Variants in DIP2C observed in about 807,000 individuals in gnomAD.
The protein encoded by DIP2C is DIP2 acetate--CoA ligase C (putative), also known as disco-interacting protein 2 homolog C.
Under a neutral mutation model 192.4 loss-of-function variants are expected in DIP2C, and 33 were observed. The ratio of observed to expected loss-of-function variants is 0.17; its 90% CI spans 0.13 to 0.23. The LOEUF (loss-of-function observed/expected upper bound fraction) is 0.23, where lower values mean the gene tolerates loss of function less well. Among genes scored for constraint, DIP2C ranks in the 10% least tolerant of loss-of-function variants. The pLI is 1.00. For missense variants in DIP2C, 1,537 were observed against 2,110.1 expected (o/e 0.73, Z 5.32); for synonymous variants, 979 against 864.1 (o/e 1.13, Z -2.33).
At chr10:624,684 T>C (rs1854085784) in intron 1 of DIP2C, among the ~76,000 whole-genome samples, 1 of 152,088 alleles carries the variant, frequency 6.6e-6, no homozygotes, top group Non-Finnish European at 1.5e-5. Context: ...GGCAGCCCCC[T>C]GACAAGTATG....
intron 1 of DIP2C, among the ~76,000 whole-genome samples, chr10:686,992 G>A (rs1831363505): frequency 6.6e-6 from 1 of 152,206 alleles, no homozygotes; most frequent in Non-Finnish European, 1.5e-5. Flanking sequence ...TCCTCTGTAG[G>A]AAATGAGCAC....
rs184922941 is a variant in DIP2C, at chr10:513,472, G to A, written c.86-26942C>T. Among the ~76,000 whole-genome samples, 5 of 152,170 alleles carry A rather than the reference G, an allele frequency of 3.3e-5. No individual in the cohort carries two copies. In the East Asian group the frequency reaches 7.7e-4, roughly 23 times the overall value. ...TCCACCACAGCACACTGCGGCCCGCGCCTCTCCTCCACCGCGCCACACCAC... is the reference window on the plus strand; with the variant it reads ...TCCACCACAGCACACTGCGGCCCGCACCTCTCCTCCACCGCGCCACACCAC... On this transcript the variant is annotated intron_variant, in intron 1 of 36. Coordinates refer to ENST00000280886, the MANE Select transcript of DIP2C (RefSeq NM_014974.3).
chr10:615,177 T>C (rs1853370207), intron 1 of DIP2C, among the ~76,000 whole-genome samples: 1 of 152,238 alleles, frequency 6.6e-6, no homozygotes, highest in Admixed American at 6.5e-5. Flanking sequence ...ACTGTGAAAG[T>C]GCAGAGGACG....
rs745955334 is a variant in DIP2C, at chr10:329,609, G to C, written c.3585-8C>G. The C allele has an allele frequency of 2.5e-6, 4 of 1,613,302 alleles. No homozygotes were observed. Among genetic ancestry groups the C allele is most frequent in the Non-Finnish European group, 3.4e-6 (4 of 1,179,670 alleles). On this transcript the variant is annotated splice_polypyrimidine_tract_variant and splice_region_variant and intron_variant, in intron 29 of 36. Coordinates refer to ENST00000280886, the MANE Select transcript of DIP2C (RefSeq NM_014974.3). ...TGGTGCCCAGAATACACACTGCAGA[G>C]AAAGAAGAGGCTGTCAGGGCGGGAG... is the stretch of plus-strand genomic sequence containing the variant.
chr10:298,504 G>C (rs914371267), intron 32 of DIP2C, among the ~76,000 whole-genome samples: 2 of 152,226 alleles, frequency 1.3e-5, no homozygotes, highest in African/African-American at 4.8e-5. Flanking sequence ...ATGCCAGAGA[G>C]GAGAGGGTGT....
intron 21 of DIP2C, 147 bp from the exon 22 acceptor site, chr10:362,838 G>A: frequency 1.0e-6 from 1 of 952,904 alleles, no homozygotes; most frequent in Non-Finnish European, 1.5e-6. Flanking sequence ...GTAAGAGAAA[G>A]GATTTTCCTA....
chr10:581,560 T>C (rs1850664830), intron 1 of DIP2C, among the ~76,000 whole-genome samples: 2 of 152,222 alleles, frequency 1.3e-5, no homozygotes, highest in African/African-American at 4.8e-5. Context: ...TACTAAATGA[T>C]TTTAATGTAT....
At chr10:397,011 C>T (rs917327892) in intron 10 of DIP2C, among the ~76,000 whole-genome samples, 5 of 152,144 alleles carry the variant, frequency 3.3e-5, no homozygotes, top group African/African-American at 9.7e-5. Context: ...AAAGGAACCC[C>T]GTGTTCTCTC....
chr10:330,958 C>T (rs1957478567), intron 29 of DIP2C, among the ~76,000 whole-genome samples: 2 of 149,300 alleles, frequency 1.3e-5, no homozygotes, highest in South Asian at 4.3e-4. Flanking sequence ...ACTACAGATG[C>T]ACAACACTAT....
chr10:357,907 T>C lies in DIP2C; in HGVS notation c.2825A>G (p.Asn942Ser). 6.2e-7 allele frequency: 1 copy of C among 1,612,670 alleles called. No individual in the cohort carries two copies. Among genetic ancestry groups the C allele is most frequent in the African/African-American group, 1.3e-5 (1 of 75,024 alleles). ...EIGPASVMVGNLVSGKRIAQA... is the reference protein window; with the variant it reads ...EIGPASVMVGSLVSGKRIAQA... ...GGCGATTCTCTTCCCAGAGACCAGG[T>C]TCCCCACCATCACAGAGGCAGGGCC... Residue 942 changes from asparagine (N) to serine (S), a missense_variant, in exon 23 of 37, where the codon AAC becomes AGC. Around this residue, in one of 4 missense-constraint regions of DIP2C, gnomAD observed 677 missense variants for 989.9 expected, o/e 0.68. Transcript: ENST00000280886.
chr10:534,246 A>T (rs1847572554), intron 1 of DIP2C, among the ~76,000 whole-genome samples: 1 of 152,224 alleles, frequency 6.6e-6, no homozygotes, highest in Non-Finnish European at 1.5e-5. Context: ...GGGACGTGCG[A>T]AACGGGGAGG....
rs1439346965 is a variant in DIP2C at position 509,353 on chromosome 10, C to A, written c.86-22823G>T. Among the ~76,000 whole-genome samples, 3 of 152,192 alleles carry A rather than the reference C, an allele frequency of 2.0e-5. No individual in the cohort carries two copies. In the South Asian group the frequency reaches 6.2e-4, roughly 32 times the overall value. ...GCTCAGAGACACTAAGGAGCTTGTC[C>A]AAGACCAGCAACAAGTATGTGAGCA... On this transcript the variant is annotated intron_variant, in intron 1 of 36. Transcript: ENST00000280886.
At position 489,069 on chromosome 10, in the gene DIP2C, C is replaced by T. The variant is rs80056934; in HGVS notation, c.86-2539G>A. Among the ~76,000 whole-genome samples the T allele has an allele frequency of 6.2e-3, 943 of 152,304 alleles. 10 individuals carry two copies. The highest frequency in any genetic ancestry group is 0.015 in the African/African-American group (637 of 41,554). ...TTCTATCCCAAAATGCAGAAGACGA[C>T]GGCTTGATGTGCATGCTACCCCAAA... is the stretch of plus-strand genomic sequence containing the variant. On this transcript the variant is annotated intron_variant, in intron 1 of 36. Transcript: ENST00000280886.
intron 1 of DIP2C, among the ~76,000 whole-genome samples, chr10:532,676 A>AGTATGGGTGTGAGAGAGT: frequency 1.6e-5 from 1 of 64,308 alleles, no homozygotes; most frequent in South Asian, 4.4e-4. Context: ...TGTGAGAGAG[A>AGTATGGGTGTGAGAGAGT]GTATGGGTGT....
chr10:616,221 G>C (rs1214971303), intron 1 of DIP2C, among the ~76,000 whole-genome samples: 1 of 152,210 alleles, frequency 6.6e-6, no homozygotes, highest in Non-Finnish European at 1.5e-5. Flanking sequence ...GCAGCCGTTT[G>C]TAATCTGGAC....
intron 1 of DIP2C, among the ~76,000 whole-genome samples, chr10:585,082 T>C (rs942109349): frequency 6.6e-6 from 1 of 152,104 alleles, no homozygotes; most frequent in Non-Finnish European, 1.5e-5. Context: ...CTCACGGGCA[T>C]CACCTCTCCA....
intron 14 of DIP2C, 110 bp downstream of exon 14, chr10:387,635 G>A: frequency 1.1e-6 from 1 of 905,854 alleles, no homozygotes; most frequent in Non-Finnish European, 1.8e-6. Flanking sequence ...GTGTGGGGAG[G>A]GGACTCCTGT....
intron 1 of DIP2C, among the ~76,000 whole-genome samples, chr10:595,207 G>A (rs1460355874): frequency 6.6e-6 from 1 of 152,162 alleles, no homozygotes; most frequent in East Asian, 1.9e-4. Flanking sequence ...AGAAAATACT[G>A]TACAGCCAAC....
intron 2 of DIP2C, among the ~76,000 whole-genome samples, chr10:478,779 G>A (rs552307107): frequency 7.0e-4 from 106 of 152,118 alleles, no homozygotes; most frequent in Non-Finnish European, 1.1e-3. Flanking sequence ...GTGTCCAGGC[G>A]TGCAGATACA....
Sources: gnomAD v4.1 joint callset for allele counts (sites outside exome capture counted in the v4.1 genomes callset) on GRCh38, gnomAD v4.1.1 for gene constraint, gnomAD v4.1.1 regional missense constraint, MANE v1.5 for transcripts, NCBI Gene and HGNC (gene_info 2026-07-23, HGNC 2026-07-21) for gene names.